PCDHA2: variants seen among roughly 807,000 people sequenced by gnomAD.
The protein encoded by PCDHA2 is protocadherin alpha-2.
A neutral mutation model predicts 66.0 loss-of-function variants in PCDHA2; 58 were observed. That is an observed-to-expected ratio of 0.88 (90% confidence interval 0.71 to 1.09). The LOEUF is 1.09. PCDHA2 is among the 50% of genes least tolerant of loss of function. The pLI is 0.00. For synonymous variants in PCDHA2, 634 were observed against 554.0 expected, an observed-to-expected ratio of 1.14 and a Z score of -2.03; for missense variants, 1,267 against 1,242.3, an observed-to-expected ratio of 1.02 and a Z score of -0.30.
chr5:140,927,901 G>A lies in PCDHA2; in HGVS notation c.2389-51048G>A, dbSNP rs370478984. On this transcript the variant is annotated intron_variant, in intron 1 of 3. Transcript: ENST00000526136. ...GGAGGTGACTGACGTGAACGATCAT[G>A]CCCCCGAACTGGACTTCCTGACTCT... The A allele has an allele frequency of 6.2e-6, 10 of 1,614,084 alleles. No individual in the cohort carries two copies. Among genetic ancestry groups the A allele is most frequent in the Non-Finnish European group, 8.5e-6 (10 of 1,180,046 alleles).
At chr5:140,980,615 C>T (rs1182621837) in intron 2 of PCDHA2, among the ~76,000 whole-genome samples, 4 of 151,596 alleles carry the variant, frequency 2.6e-5, no homozygotes, top group Admixed American at 6.6e-5. Flanking sequence ...GGCGACAGTG[C>T]GAGACTCTGT....
chr5:140,836,384 GTC>G (rs2150259463), intron 1 of PCDHA2: 11 of 1,613,636 alleles, frequency 6.8e-6, no homozygotes, highest in Non-Finnish European at 9.3e-6. Flanking sequence ...CCGTGCTGGT[GTC>G]GCTGGTGGAA....
intron 1 of PCDHA2, chr5:140,842,887 G>A: frequency 6.3e-7 from 1 of 1,594,194 alleles, no homozygotes; most frequent in Non-Finnish European, 8.6e-7. Context: ...CGCTGCAGCC[G>A]CTGGACCACG....
At chr5:140,816,534 G>A (rs1169931447) in intron 1 of PCDHA2, 1 of 123,670 alleles carries the variant, frequency 8.1e-6, no homozygotes, top group Non-Finnish European at 1.8e-5. Flanking sequence ...TGTGTGTGTG[G>A]GCACGCACTA....
intron 1 of PCDHA2, chr5:140,805,182 A>G: frequency 1.3e-6 from 2 of 1,493,614 alleles, no homozygotes; most frequent in Non-Finnish European, 1.8e-6. Flanking sequence ...TGCTATGCCA[A>G]ATAAATATTG....
At chr5:140,975,017 G>A (rs1474947976) in intron 1 of PCDHA2, among the ~76,000 whole-genome samples, 1 of 152,154 alleles carries the variant, frequency 6.6e-6, no homozygotes, top group Non-Finnish European at 1.5e-5. Flanking sequence ...ACACAGCTGG[G>A]CTGTGTTGTC....
chr5:140,871,832 C>G (rs2053333400), intron 1 of PCDHA2, among the ~76,000 whole-genome samples: 2 of 152,246 alleles, frequency 1.3e-5, no homozygotes, highest in Non-Finnish European at 2.9e-5. Context: ...CCCTTCATCT[C>G]TAAACTTCAA....
At chr5:140,850,122 C>T in intron 1 of PCDHA2, 2 of 1,595,914 alleles carry the variant, frequency 1.3e-6, no homozygotes, top group Non-Finnish European at 1.7e-6. Context: ...CGCGGGCGTG[C>T]CGCCTCTGGG....
At chr5:140,813,489 C>A (rs1213235742) in intron 1 of PCDHA2, 4 of 152,110 alleles carry the variant, frequency 2.6e-5, no homozygotes, top group African/African-American at 9.7e-5. Flanking sequence ...ATCTAAACAT[C>A]TAAAAGGTAC....
chr5:140,867,523 A>AGT (rs2050005446), intron 1 of PCDHA2: 1 of 152,088 alleles, frequency 6.6e-6, no homozygotes, highest in South Asian at 2.1e-4. Context: ...TTAATAGTTG[A>AGT]ATATATATAT....
chr5:140,850,793 G>C (rs1232565289), intron 1 of PCDHA2: 2 of 1,598,464 alleles, frequency 1.3e-6, no homozygotes, highest in Non-Finnish European at 1.7e-6. Flanking sequence ...GTAAGCAGAA[G>C]ACCGACCTCA....
At chr5:140,941,750 T>C (rs528792646) in intron 1 of PCDHA2, among the ~76,000 whole-genome samples, 2 of 152,384 alleles carry the variant, frequency 1.3e-5, no homozygotes, top group Admixed American at 6.5e-5. Flanking sequence ...TATCAGATTT[T>C]CAGTGCTTTT....
intron 3 of PCDHA2, among the ~76,000 whole-genome samples, chr5:141,003,860 G>T (rs1224171720): frequency 6.6e-6 from 1 of 152,136 alleles, no homozygotes; most frequent in African/African-American, 2.4e-5. Flanking sequence ...ATTTATATGT[G>T]TCTGAAATCC....
chr5:140,922,498 G>C (rs2080865421), intron 1 of PCDHA2, among the ~76,000 whole-genome samples: 1 of 152,230 alleles, frequency 6.6e-6, no homozygotes, highest in African/African-American at 2.4e-5. Context: ...CTGAGAGTGA[G>C]CAGATGCACC....
chr5:140,963,496 A>C (rs1554226617), intron 1 of PCDHA2, among the ~76,000 whole-genome samples: 2 of 152,232 alleles, frequency 1.3e-5, no homozygotes, highest in African/African-American at 2.4e-5. Context: ...TGAGGAAACA[A>C]ATCTCTTGAA....
At chr5:140,823,381 G>A (rs2150125254) in intron 1 of PCDHA2, 1 of 1,612,786 alleles carries the variant, frequency 6.2e-7, no homozygotes, top group Non-Finnish European at 8.5e-7. Context: ...CCAGGTGAGC[G>A]CGCGCGACGC....
chr5:140,869,679 G>A, intron 1 of PCDHA2: 1 of 1,613,452 alleles, frequency 6.2e-7, no homozygotes, highest in Non-Finnish European at 8.5e-7. Flanking sequence ...TTAAAAGACT[G>A]TCACTTATTT....
intron 1 of PCDHA2, among the ~76,000 whole-genome samples, chr5:140,975,683 G>T (rs1226769029): frequency 6.6e-6 from 1 of 151,934 alleles, no homozygotes; most frequent in Non-Finnish European, 1.5e-5. Context: ...AATAAAATAG[G>T]GTATTTTAAA....
chr5:140,816,790 CA>C (rs1437994135), intron 1 of PCDHA2: 3 of 151,774 alleles, frequency 2.0e-5, no homozygotes, highest in Non-Finnish European at 4.4e-5. Flanking sequence ...AGGGATCTGC[CA>C]GCTTTTTTTT....
Sources: allele counts gnomAD v4.1 joint callset (sites outside exome capture counted in the v4.1 genomes callset), GRCh38; gene constraint gnomAD v4.1.1; transcripts MANE v1.5; gene names NCBI Gene and HGNC (gene_info 2026-07-23, HGNC 2026-07-21).